Variants in SPMIP2 observed in about 807,000 individuals in gnomAD.
SPMIP2 encodes sperm microtubule inner protein 2.
At chr4:159,033,847 A>G in the SPMIP2 span, among the ~76,000 whole-genome samples, 1 of 152,190 alleles carries the variant, frequency 6.6e-6, no homozygotes, top group Non-Finnish European at 1.5e-5. Context: ...ACACTTTGGA[A>G]AAAAAGAAAA....
chr4:158,910,261 G>A, the SPMIP2 span, among the ~76,000 whole-genome samples: 1 of 152,006 alleles, frequency 6.6e-6, no homozygotes, highest in African/African-American at 2.4e-5. Flanking sequence ...GGATGATGCT[G>A]TGCAGGTATT....
chr4:158,981,280 C>G, the SPMIP2 span, among the ~76,000 whole-genome samples: 1 of 152,170 alleles, frequency 6.6e-6, no homozygotes, highest in African/African-American at 2.4e-5. Flanking sequence ...GGAAAACACT[C>G]TTCAGGATAT....
At chr4:158,945,733 C>T in the SPMIP2 span, among the ~76,000 whole-genome samples, 1 of 152,214 alleles carries the variant, frequency 6.6e-6, no homozygotes, top group African/African-American at 2.4e-5. Context: ...GCAGATAAGA[C>T]CTTCCCCACA....
chr4:159,029,564 A>T, the SPMIP2 span, among the ~76,000 whole-genome samples: 8 of 152,358 alleles, frequency 5.3e-5, no homozygotes, highest in South Asian at 8.3e-4. Context: ...GCAATGTAGG[A>T]AGTAACTTAT....
At chr4:158,970,801 A>G in the SPMIP2 span, among the ~76,000 whole-genome samples, 1 of 152,256 alleles carries the variant, frequency 6.6e-6, no homozygotes, top group African/African-American at 2.4e-5. Flanking sequence ...GACCCTTGAA[A>G]ACAATTACTG....
At chr4:158,936,137 G>T in the SPMIP2 span, among the ~76,000 whole-genome samples, 1 of 152,046 alleles carries the variant, frequency 6.6e-6, no homozygotes, top group African/African-American at 2.4e-5. Context: ...TCTTCTCTTT[G>T]GCATTCTGAC....
the SPMIP2 span, among the ~76,000 whole-genome samples, chr4:158,967,844 C>T: frequency 8.5e-5 from 13 of 152,210 alleles, no homozygotes; most frequent in Admixed American, 2.6e-4. Context: ...TTTAGAAGAA[C>T]GCATAGAGTT....
the SPMIP2 span, among the ~76,000 whole-genome samples, chr4:158,930,191 G>GTCTCTC: frequency 0.31 from 44,592 of 143,944 alleles, 8,273 homozygotes; most frequent in East Asian, 0.77. Context: ...GAGGATCTCA[G>GTCTCTC]TCTCTCTCTC....
chr4:159,044,368 CAAAAAAAA>C, the SPMIP2 span, among the ~76,000 whole-genome samples: 2 of 100,310 alleles, frequency 2.0e-5, no homozygotes, highest in Non-Finnish European at 4.2e-5. Context: ...GACTCCATCT[CAAAAAAAA>C]AAAAAAAAAA....
the SPMIP2 span, among the ~76,000 whole-genome samples, chr4:158,897,458 A>G: frequency 6.6e-6 from 1 of 152,394 alleles, no homozygotes; most frequent in East Asian, 1.9e-4. Context: ...ACTCCCATCA[A>G]CAGTGTAAAA....
At chr4:158,904,651 GA>G in the SPMIP2 span, 1 of 961,566 alleles carries the variant, frequency 1.0e-6, no homozygotes, top group Non-Finnish European at 1.6e-6. Context: ...AGAGCAAACA[GA>G]AACAGTCATT....
the SPMIP2 span, among the ~76,000 whole-genome samples, chr4:158,917,720 CTTTTTTT>C: frequency 2.8e-5 from 2 of 70,288 alleles, no homozygotes; most frequent in Non-Finnish European, 5.2e-5. Flanking sequence ...CACTATTTGA[CTTTTTTT>C]TTTTTTTTTT....
the SPMIP2 span, among the ~76,000 whole-genome samples, chr4:159,047,810 AGAGAATGGCCT>A: frequency 3.7e-3 from 567 of 152,360 alleles, 2 homozygotes; most frequent in African/African-American, 0.013. Context: ...AGAAAGACAA[AGAGAATGGCCT>A]GCCCCACTAC....
chr4:159,028,734 A>C, the SPMIP2 span, among the ~76,000 whole-genome samples: 2 of 152,220 alleles, frequency 1.3e-5, no homozygotes, highest in Non-Finnish European at 2.9e-5. Flanking sequence ...CATGCTCTAA[A>C]GTAGTTTTAA....
At chr4:158,979,800 T>G in the SPMIP2 span, among the ~76,000 whole-genome samples, 39,634 of 144,750 alleles carry the variant, frequency 0.27, 6,030 homozygotes, top group South Asian at 0.42. Context: ...TTTTTTTTTT[T>G]TTTTTTTTTT....
the SPMIP2 span, among the ~76,000 whole-genome samples, chr4:158,945,118 A>T: frequency 6.6e-6 from 1 of 152,110 alleles, no homozygotes; most frequent in South Asian, 2.1e-4. Flanking sequence ...TATGACACTC[A>T]TTTGCATCAG....
At chr4:158,960,596 G>C in the SPMIP2 span, among the ~76,000 whole-genome samples, 1 of 152,140 alleles carries the variant, frequency 6.6e-6, no homozygotes, top group African/African-American at 2.4e-5. Flanking sequence ...GTGCTGGGTA[G>C]GAAGAAGAGT....
chr4:158,973,003 C>T, the SPMIP2 span: 2,002 of 994,464 alleles, frequency 2.0e-3, 18 homozygotes, highest in Non-Finnish European at 5.4e-4. Flanking sequence ...CCCGACATTT[C>T]CTTTGGAAGC....
chr4:158,975,214 T>C, the SPMIP2 span, among the ~76,000 whole-genome samples: 1 of 152,176 alleles, frequency 6.6e-6, no homozygotes, highest in Non-Finnish European at 1.5e-5. Flanking sequence ...TTCAGATGGA[T>C]AGATTGCAAA....
Sources: gnomAD v4.1 joint callset for allele counts (sites outside exome capture counted in the v4.1 genomes callset) on GRCh38, gnomAD v4.1.1 for gene constraint, MANE v1.5 for transcripts, NCBI Gene and HGNC (gene_info 2026-07-23, HGNC 2026-07-21) for gene names.